Variants in EFNA5 observed in about 807,000 individuals in gnomAD.
EFNA5 encodes ephrin A5.
A neutral mutation model predicts 22.9 loss-of-function variants in EFNA5; 5 were observed. The ratio of observed to expected loss-of-function variants is 0.22; its 90% CI spans 0.11 to 0.46. EFNA5 has a LOEUF of 0.46. Among genes scored for constraint, EFNA5 ranks in the 20% least tolerant of loss-of-function variants. The pLI is 0.99. For missense variants in EFNA5, 237 were observed against 293.3 expected (o/e 0.81, Z 1.40); for synonymous variants, 113 against 112.2 (o/e 1.01, Z -0.04).
intron 1 of EFNA5, among the ~76,000 whole-genome samples, chr5:107,640,565 A>C (rs1750479207): frequency 6.6e-6 from 1 of 152,194 alleles, no homozygotes; most frequent in Non-Finnish European, 1.5e-5. Context: ...TACTTTAATA[A>C]GGCCTGAGGG....
intron 1 of EFNA5, among the ~76,000 whole-genome samples, chr5:107,499,683 T>C (rs1332879200): frequency 6.6e-6 from 1 of 152,206 alleles, no homozygotes; most frequent in African/African-American, 2.4e-5. Context: ...AAGTCTTCTT[T>C]TGGTGTTTTA....
At chr5:107,382,039 TACTTGA>T (rs1472406158) in intron 4 of EFNA5, among the ~76,000 whole-genome samples, 1 of 152,230 alleles carries the variant, frequency 6.6e-6, no homozygotes, top group East Asian at 1.9e-4. Flanking sequence ...AAGATTAAAT[TACTTGA>T]ACTTGACTAT....
At chr5:107,660,872 T>G (rs1363789680) in intron 1 of EFNA5, among the ~76,000 whole-genome samples, 2 of 152,156 alleles carry the variant, frequency 1.3e-5, no homozygotes, top group African/African-American at 4.8e-5. Context: ...CTATTTGAAC[T>G]GTACCCCTCT....
At chr5:107,593,457 A>G (rs888117198) in intron 1 of EFNA5, among the ~76,000 whole-genome samples, 2 of 152,232 alleles carry the variant, frequency 1.3e-5, no homozygotes. Flanking sequence ...CTTCTGACTT[A>G]AAGTCCAACC....
chr5:107,573,506 T>G (rs1748859784), intron 1 of EFNA5, among the ~76,000 whole-genome samples: 1 of 151,950 alleles, frequency 6.6e-6, no homozygotes, highest in African/African-American at 2.4e-5. Context: ...AGCAGAAGAC[T>G]GTCCAGGTAA....
At chr5:107,559,692 C>A (rs2112476065) in intron 1 of EFNA5, among the ~76,000 whole-genome samples, 1 of 152,300 alleles carries the variant, frequency 6.6e-6, no homozygotes. Context: ...GTTTGAAAGT[C>A]ATTCATCACA....
At chr5:107,473,280 T>C (rs1580475570) in intron 1 of EFNA5, among the ~76,000 whole-genome samples, 1 of 135,810 alleles carries the variant, frequency 7.4e-6, no homozygotes, top group African/African-American at 2.9e-5. Context: ...TTTTTTTTTT[T>C]CAGTCTGAGT....
intron 1 of EFNA5, among the ~76,000 whole-genome samples, chr5:107,513,258 G>A (rs532834666): frequency 6.6e-6 from 1 of 152,314 alleles, no homozygotes; most frequent in South Asian, 2.1e-4. Context: ...AGGAGAGGGA[G>A]AGGGAGAGAG....
intron 1 of EFNA5, among the ~76,000 whole-genome samples, chr5:107,452,292 G>A (rs1191520943): frequency 6.6e-6 from 1 of 151,954 alleles, no homozygotes; most frequent in Non-Finnish European, 1.5e-5. Context: ...GTATACCTAT[G>A]TGACAAACCT....
intron 1 of EFNA5, among the ~76,000 whole-genome samples, chr5:107,459,146 C>G (rs1319000143): frequency 6.6e-6 from 1 of 152,026 alleles, no homozygotes; most frequent in Non-Finnish European, 1.5e-5. Context: ...GTAATCCCAG[C>G]ACTTTGAGAG....
At chr5:107,386,444 G>T (rs926050453) in intron 4 of EFNA5, among the ~76,000 whole-genome samples, 1 of 152,284 alleles carries the variant, frequency 6.6e-6, no homozygotes, top group African/African-American at 2.4e-5. Flanking sequence ...ATATTTACAG[G>T]TTCTTATTAT....
chr5:107,483,353 C>A (rs375159866), intron 1 of EFNA5, among the ~76,000 whole-genome samples: 5 of 152,130 alleles, frequency 3.3e-5, no homozygotes, highest in African/African-American at 7.2e-5. Context: ...CAGTTTTCAA[C>A]GACACCACAT....
At chr5:107,629,347 T>C (rs1364888729) in intron 1 of EFNA5, among the ~76,000 whole-genome samples, 5 of 152,130 alleles carry the variant, frequency 3.3e-5, no homozygotes, top group Non-Finnish European at 5.9e-5. Flanking sequence ...TATATGTTAA[T>C]GGAATACAAA....
intron 1 of EFNA5, among the ~76,000 whole-genome samples, chr5:107,496,336 C>CAAAAAAAAAAAAAAAAA (rs77916124): frequency 5.0e-5 from 4 of 79,842 alleles, no homozygotes; most frequent in Non-Finnish European, 7.0e-5. Flanking sequence ...AATTCCATCT[C>CAAAAAAAAAAAAAAAAA]AAAAAAAAAA....
intron 1 of EFNA5, among the ~76,000 whole-genome samples, chr5:107,544,099 T>C (rs1057291420): frequency 4.6e-5 from 7 of 152,182 alleles, no homozygotes; most frequent in Non-Finnish European, 1.5e-5. Context: ...CTAAACCTTG[T>C]TACTTGCGAA....
At position 107,576,140 on chromosome 5, in the gene EFNA5, T is replaced by C. The variant is rs577552547; in HGVS notation, c.125+94349A>G. On this transcript the variant is annotated intron_variant, in intron 1 of 4. Transcript: ENST00000333274. ...ATCGGCAGGGTACAAAATGGGTTGT[T>C]GTAAATGGATGTTTTCTAGTTTTCT... Among the ~76,000 whole-genome samples the C allele has an allele frequency of 8.5e-5, 13 of 152,338 alleles. No individual in the cohort carries two copies. The South Asian group carries it at 2.7e-3, about 32-fold the overall frequency.
intron 1 of EFNA5, among the ~76,000 whole-genome samples, chr5:107,605,391 T>C (rs977792747): frequency 2.6e-5 from 4 of 152,056 alleles, no homozygotes; most frequent in Admixed American, 6.5e-5. Context: ...TTTTTTGCAA[T>C]CTTCTTTTAT....
chr5:107,394,387 T>C (rs1216069329), intron 2 of EFNA5, among the ~76,000 whole-genome samples: 1 of 152,200 alleles, frequency 6.6e-6, no homozygotes, highest in East Asian at 1.9e-4. Flanking sequence ...CATGTAAATA[T>C]TAGAAACTTT....
At chr5:107,623,027 C>CAAAAAAAAA (rs61689503) in intron 1 of EFNA5, among the ~76,000 whole-genome samples, 4 of 29,900 alleles carry the variant, frequency 1.3e-4, no homozygotes, top group African/African-American at 4.1e-4. Context: ...GACTCCGTCT[C>CAAAAAAAAA]AAAAAAAAAA....
Sources: allele counts gnomAD v4.1 joint callset (sites outside exome capture counted in the v4.1 genomes callset), GRCh38; gene constraint gnomAD v4.1.1; transcripts MANE v1.5; gene names NCBI Gene and HGNC (gene_info 2026-07-23, HGNC 2026-07-21).